Variants in DPP6 observed in about 807,000 individuals in gnomAD.
DPP6 encodes dipeptidyl peptidase like 6, also known as A-type potassium channel modulatory protein DPP6.
A neutral mutation model predicts 122.6 loss-of-function variants in DPP6; 69 were observed. The observed-to-expected ratio is 0.56, with a 90% CI of 0.46 to 0.69. The LOEUF is 0.69. Among genes scored for constraint, DPP6 ranks in the 30% least tolerant of loss-of-function variants. The pLI is 0.00. For synonymous variants in DPP6, 418 were observed against 433.1 expected, an observed-to-expected ratio of 0.97 and a Z score of 0.43; for missense variants, 928 against 1,116.9, an observed-to-expected ratio of 0.83 and a Z score of 2.41.
At chr7:153,760,799 C>T in the DPP6 span, among the ~76,000 whole-genome samples, 5 of 152,134 alleles carry the variant, frequency 3.3e-5, no homozygotes, top group African/African-American at 1.2e-4. Flanking sequence ...ACCACTGCCT[C>T]CAATACTTCC....
chr7:154,778,294 G>C (rs953034266), intron 10 of DPP6, among the ~76,000 whole-genome samples: 1 of 151,968 alleles, frequency 6.6e-6, no homozygotes, highest in Admixed American at 6.6e-5. Flanking sequence ...ACCAACCCAC[G>C]GTTTCTAACT....
intron 5 of DPP6, among the ~76,000 whole-genome samples, chr7:154,573,997 T>G: frequency 6.6e-6 from 1 of 152,344 alleles, no homozygotes. Flanking sequence ...TTTAGGGTGT[T>G]TTGTTGTATT....
At chr7:154,293,426 T>A (rs1305390014) in intron 1 of DPP6, among the ~76,000 whole-genome samples, 1 of 152,084 alleles carries the variant, frequency 6.6e-6, no homozygotes, top group Admixed American at 6.6e-5. Flanking sequence ...ATAAAGGAGA[T>A]AAAAGTGGAG....
chr7:154,682,635 G>A (rs1839354048), intron 7 of DPP6, among the ~76,000 whole-genome samples: 1 of 152,244 alleles, frequency 6.6e-6, no homozygotes, highest in East Asian at 1.9e-4. Flanking sequence ...ATTTTAGTGT[G>A]TCCAAGTCAG....
At chr7:154,716,492 T>A (rs1841491053) in intron 7 of DPP6, among the ~76,000 whole-genome samples, 1 of 152,122 alleles carries the variant, frequency 6.6e-6, no homozygotes, top group African/African-American at 2.4e-5. Context: ...CCGAATGAAT[T>A]CTCCAGGCCC....
At chr7:153,958,551 G>A (rs1376726017) in intron 1 of DPP6, among the ~76,000 whole-genome samples, 2 of 152,124 alleles carry the variant, frequency 1.3e-5, no homozygotes, top group Non-Finnish European at 2.9e-5. Flanking sequence ...CTTGCAGGTC[G>A]AGCCAAGAGC....
intron 1 of DPP6, among the ~76,000 whole-genome samples, chr7:154,165,318 C>G (rs1265839257): frequency 1.4e-5 from 2 of 142,454 alleles, no homozygotes; most frequent in Non-Finnish European, 3.0e-5. Context: ...CATCCATGTC[C>G]CTACAAAGGA....
intron 1 of DPP6, among the ~76,000 whole-genome samples, chr7:154,221,803 T>C (rs1800322588): frequency 6.6e-6 from 1 of 152,212 alleles, no homozygotes; most frequent in African/African-American, 2.4e-5. Flanking sequence ...CAGGAGCGGA[T>C]GAACAATGTT....
intron 1 of DPP6, among the ~76,000 whole-genome samples, chr7:153,970,532 T>C (rs552948069): frequency 1.3e-5 from 2 of 152,346 alleles, no homozygotes; most frequent in East Asian, 1.9e-4. Flanking sequence ...TCTTTTGTGA[T>C]TTTGACTGTC....
intron 1 of DPP6, among the ~76,000 whole-genome samples, chr7:154,280,755 C>T (rs544931896): frequency 4.6e-5 from 7 of 152,218 alleles, no homozygotes; most frequent in South Asian, 4.1e-4. Context: ...CTACCAATAA[C>T]GCAGTGTAAG....
intron 6 of DPP6, among the ~76,000 whole-genome samples, chr7:154,657,862 C>A (rs977839053): frequency 2.6e-5 from 4 of 152,252 alleles, no homozygotes; most frequent in African/African-American, 9.6e-5. Context: ...GCTGAGGCAG[C>A]ATAAAAGTCT....
chr7:154,697,941 G>A (rs1840309023), intron 7 of DPP6, among the ~76,000 whole-genome samples: 1 of 152,050 alleles, frequency 6.6e-6, no homozygotes, highest in Non-Finnish European at 1.5e-5. Context: ...CCCAGTACAG[G>A]TGCTAGGTTC....
chr7:154,399,029 G>A (rs1262008509), intron 1 of DPP6, among the ~76,000 whole-genome samples: 7 of 152,190 alleles, frequency 4.6e-5, no homozygotes, highest in Non-Finnish European at 8.8e-5. Context: ...TTGATAAGCA[G>A]CTGTGTTAAT....
chr7:154,201,717 CAGTT>C (rs144106973), intron 1 of DPP6, among the ~76,000 whole-genome samples: 3,457 of 152,196 alleles, frequency 0.023, 130 homozygotes, highest in African/African-American at 0.078. Flanking sequence ...CCAAGAATAG[CAGTT>C]AGTAAATCCG....
At chr7:154,375,191 C>T (rs963847200) in intron 1 of DPP6, among the ~76,000 whole-genome samples, 1 of 151,792 alleles carries the variant, frequency 6.6e-6, no homozygotes, top group Non-Finnish European at 1.5e-5. Context: ...CGGAGGCTGG[C>T]GTGAAATGGG....
intron 1 of DPP6, among the ~76,000 whole-genome samples, chr7:154,257,185 T>C (rs73489326): frequency 0.15 from 22,413 of 151,750 alleles, 3,183 homozygotes; most frequent in African/African-American, 0.38. Context: ...GATGAGTTCT[T>C]GCTATGTTGC....
chr7:153,883,694 G>C (rs756366046), upstream of DPP6, among the ~76,000 whole-genome samples: 1 of 152,166 alleles, frequency 6.6e-6, no homozygotes, highest in East Asian at 1.9e-4. Flanking sequence ...CTTTCTTACA[G>C]AGACCTCTTA....
At chr7:154,707,147 A>C (rs1044211258) in intron 7 of DPP6, among the ~76,000 whole-genome samples, 1 of 152,242 alleles carries the variant, frequency 6.6e-6, no homozygotes, top group Non-Finnish European at 1.5e-5. Context: ...GGGAACTACA[A>C]GAATCCTGTG....
intron 1 of DPP6, among the ~76,000 whole-genome samples, chr7:153,943,232 T>C (rs1315629689): frequency 6.6e-6 from 1 of 152,238 alleles, no homozygotes; most frequent in Non-Finnish European, 1.5e-5. Flanking sequence ...GGCCAGCTCA[T>C]GACACTATGT....
Sources: gnomAD v4.1 joint callset for allele counts (sites outside exome capture counted in the v4.1 genomes callset) on GRCh38, gnomAD v4.1.1 for gene constraint, MANE v1.5 for transcripts, NCBI Gene and HGNC (gene_info 2026-07-23, HGNC 2026-07-21) for gene names.